The following DHX37 variants were observed in gnomAD, a reference collection of about 807,000 sequenced individuals.
DHX37 encodes probable ATP-dependent RNA helicase DHX37.
Under a neutral mutation model 134.3 loss-of-function variants are expected in DHX37, and 52 were observed. The observed-to-expected ratio is 0.39, with a 90% CI of 0.31 to 0.49. DHX37 has a LOEUF of 0.49. Ranked by LOEUF, DHX37 falls within the 20% of genes least tolerant of loss-of-function variation. The probability of loss-of-function intolerance (pLI) is 0.93; values close to 1 mark genes in which losing one functional copy is unlikely to be tolerated. For missense variants in DHX37, 1,344 were observed against 1,580.8 expected (o/e 0.85, Z 2.54); for synonymous variants, 634 against 670.7 (o/e 0.95, Z 0.85).
At position 124,957,065 on chromosome 12, in the gene DHX37, G is replaced by A. The variant is rs568230997; in HGVS notation, c.2228C>T (p.Ala743Val). 1 of 1,504,512 alleles carries A rather than the reference G, an allele frequency of 6.6e-7. No homozygotes were observed. Among genetic ancestry groups the A allele is most frequent in the African/African-American group, 1.4e-5 (1 of 69,376 alleles). 93.2% of individuals were successfully genotyped at this position (1,504,512 alleles called of 1,614,324 possible). A position where few individuals can be genotyped will look rare whatever the true frequency, so the allele number is the denominator to read the frequency against. ...ALLAAEELLI[A>V]LGALQPPQKA... ...CTGGGGCGGTTGCAGGGCACCCAGT[G>A]CGATCAACAGCTCCTCGGCGGCAAG... Residue 743 changes from alanine to valine, a missense_variant, in exon 17 of 27, where the codon GCA (alanine) becomes GTA (valine). Ala to Val is a moderately conservative substitution (Grantham distance 64). This residue lies in a region of DHX37 where 558 missense variants were observed against 650.0 expected (regional missense o/e 0.86). Transcript: ENST00000308736.
chr12:124,984,846 G>A (rs568004745), intron 2 of DHX37, among the ~76,000 whole-genome samples: 3 of 152,284 alleles, frequency 2.0e-5, no homozygotes, highest in East Asian at 1.9e-4. Context: ...CAGAACTTGC[G>A]AACGTGACCC....
At position 124,988,965 on chromosome 12, in the gene DHX37, G is replaced by C. The variant is rs1176146285; in HGVS notation, c.58C>G (p.Pro20Ala). Residue 20 changes from proline to alanine, a missense_variant, in exon 1 of 27, where the codon CCC becomes GCC. Physicochemically the swap from Pro to Ala is conservative, Grantham distance 27. Coordinates refer to ENST00000308736, the MANE Select transcript of DHX37 (RefSeq NM_032656.4). ...IKGRQQAGPG[P>A]SKGPPEPPPV... ...GGCGGCTCGGGGGGGCCCTTCGAGG[G>C]TCCGGGGCCCGCCTGCTGGCGCCCC... The C allele has an allele frequency of 7.4e-7, 1 of 1,353,658 alleles. No individual in the cohort carries two copies. The highest frequency in any genetic ancestry group is 2.8e-5 in the East Asian group (1 of 35,964). The allele number at this position is 1,353,658 out of a possible 1,614,324, so 83.9% of individuals were successfully genotyped here.
intron 6 of DHX37, among the ~76,000 whole-genome samples, chr12:124,972,885 C>T (rs1402571238): frequency 1.3e-5 from 2 of 152,264 alleles, no homozygotes; most frequent in Non-Finnish European, 2.9e-5. Context: ...CCGGGGAGAC[C>T]TGCACATGGG....
In DHX37 at chr12:124,968,686, A is replaced by G. The variant is rs10773130; in HGVS notation, c.1294-38T>C. Reference sequence around the variant, plus strand: ...CAGGAAGGCATGGGGAGTGGGGGGGACACGAGCTTCGGCCCAGGGCTGCCT... The same window carrying G: ...CAGGAAGGCATGGGGAGTGGGGGGGGCACGAGCTTCGGCCCAGGGCTGCCT... On this transcript the variant is annotated intron_variant, in intron 9 of 26. Coordinates refer to ENST00000308736, the MANE Select transcript of DHX37 (RefSeq NM_032656.4). The G allele has an allele frequency of 0.94, 1,511,620 of 1,613,016 alleles. 709,145 individuals carry two copies. The highest frequency in any genetic ancestry group is 0.99 in the South Asian group (89,753 of 91,080).
At chr12:124,981,609 A>AT (rs1267309997) in intron 3 of DHX37, among the ~76,000 whole-genome samples, 1 of 151,808 alleles carries the variant, frequency 6.6e-6, no homozygotes, top group Non-Finnish European at 1.5e-5. Flanking sequence ...TAATTTTTGT[A>AT]TTTTTAGTGG....
At position 124,947,589 on chromosome 12, in the gene DHX37, C is replaced by T; in HGVS notation, c.*213G>A. 1 of 562,412 alleles carries T rather than the reference C, an allele frequency of 1.8e-6. No individual in the cohort carries two copies. Among genetic ancestry groups the T allele is most frequent in the Non-Finnish European group, 3.1e-6 (1 of 323,106 alleles). 34.8% of individuals were successfully genotyped at this position (562,412 alleles called of 1,614,324 possible). A position where few individuals can be genotyped will look rare whatever the true frequency, so the allele number is the denominator to read the frequency against. ...AAATCATCATCCACCATATAATAAA[C>T]AGTTCAAAAAGTCACCCCCGGGCCA... On this transcript the variant is annotated 3_prime_UTR_variant, in exon 27 of 27. Coordinates refer to ENST00000308736, the MANE Select transcript of DHX37 (RefSeq NM_032656.4).
At chr12:124,973,916 T>C (rs998547215) in intron 6 of DHX37, among the ~76,000 whole-genome samples, 10 of 151,814 alleles carry the variant, frequency 6.6e-5, no homozygotes, top group Non-Finnish European at 1.3e-4. Context: ...GTCCTGGGAT[T>C]ACAGGCGTGA....
chr12:124,975,713 C>A (rs920990606), intron 5 of DHX37, among the ~76,000 whole-genome samples: 5 of 152,174 alleles, frequency 3.3e-5, no homozygotes, highest in African/African-American at 1.2e-4. Context: ...CGACATTCAC[C>A]ATGCAGCGGA....
Position 124,980,809 on chromosome 12 carries a change from T to A in DHX37, c.419A>T (p.Gln140Leu), listed in dbSNP as rs1281017681. ...EKADEVVAPG[Q>L]EKISSLSGAH... Reference sequence around the variant, plus strand: ...ACCGCTGAGGCTACTGATCTTCTCCTGGCCCGGGGCTACCACCTCGTCAGC... The same window carrying A: ...ACCGCTGAGGCTACTGATCTTCTCCAGGCCCGGGGCTACCACCTCGTCAGC... Residue 140 changes from glutamine to leucine, a missense_variant, in exon 4 of 27, where the codon CAG becomes CTG. By Grantham distance (113) the Gln-to-Leu change is moderately radical. This residue lies in a region of DHX37 where 319 missense variants were observed against 296.1 expected (regional missense o/e 1.08). Coordinates refer to ENST00000308736, the MANE Select transcript of DHX37 (RefSeq NM_032656.4). The surrounding 1 kb of genome is among the most constrained non-coding windows in gnomAD (Gnocchi z 5.3). The A allele has an allele frequency of 6.4e-7, 1 of 1,557,048 alleles. No individual in the cohort carries two copies. Among genetic ancestry groups the A allele is most frequent in the Admixed American group, 1.9e-5 (1 of 53,404 alleles).
chr12:124,968,379 G>C (rs764283681), intron 10 of DHX37, among the ~76,000 whole-genome samples, 155 bp downstream of exon 10: 12 of 152,354 alleles, frequency 7.9e-5, no homozygotes, highest in Non-Finnish European at 1.8e-4. Context: ...GGCCAGACAG[G>C]TGTCATGAAC....
At chr12:124,967,726 C>G (rs35419069) in intron 10 of DHX37, among the ~76,000 whole-genome samples, 31,025 of 152,090 alleles carry the variant, frequency 0.2, 3,309 homozygotes, top group Non-Finnish European at 0.24. Context: ...GGCTCCTTGC[C>G]TCCCTAACAT....
Position 124,980,920 on chromosome 12 carries a change from G to C in DHX37, c.390-82C>G, listed in dbSNP as rs1410557743. 5.5e-6 allele frequency: 8 copies of C among 1,457,580 alleles called. No individual in the cohort carries two copies. Among genetic ancestry groups the C allele is most frequent in the South Asian group, 1.3e-5 (1 of 77,986 alleles). 90.3% of individuals were successfully genotyped at this position (1,457,580 alleles called of 1,614,324 possible). ...GGACTCCAAGGCCATACCCCTTTCT[G>C]CCTCAGGGACTTTGCACCTGCTGTT... On this transcript the variant is annotated intron_variant, in intron 3 of 26. Coordinates refer to ENST00000308736, the MANE Select transcript of DHX37 (RefSeq NM_032656.4). The surrounding 1 kb of genome is among the most constrained non-coding windows in gnomAD (Gnocchi z 5.3).
chr12:124,947,515 T>C lies in DHX37; in HGVS notation c.*287A>G, dbSNP rs1953898618. The C allele has an allele frequency of 2.9e-6, 1 of 348,302 alleles. No individual in the cohort carries two copies. Among genetic ancestry groups the C allele is most frequent in the African/African-American group, 2.1e-5 (1 of 48,244 alleles). 21.6% of individuals were successfully genotyped at this position (348,302 alleles called of 1,614,324 possible). A position where few individuals can be genotyped will look rare whatever the true frequency, so the allele number is the denominator to read the frequency against. ...GCCCTGCTGCTCCACAGGGGACTAATGTAGTCCAAAGAGCACACTGAACAG... is the reference window on the plus strand; with the variant it reads ...GCCCTGCTGCTCCACAGGGGACTAACGTAGTCCAAAGAGCACACTGAACAG... On this transcript the variant is annotated 3_prime_UTR_variant, in exon 27 of 27. Transcript: ENST00000308736.
intron 20 of DHX37, 160 bp from the exon 21 acceptor site, chr12:124,952,730 G>T (rs1217439535): frequency 1.2e-5 from 8 of 644,236 alleles, no homozygotes. Context: ...AAAGCCCCCA[G>T]CAGGCAGGAT....
intron 6 of DHX37, 118 bp downstream of exon 6, chr12:124,975,301 G>A (rs1040764429): frequency 4.9e-6 from 5 of 1,011,528 alleles, no homozygotes; most frequent in African/African-American, 4.8e-5. Context: ...ACATGCAGAG[G>A]TGACACTCCA....
At position 124,952,508 on chromosome 12, in the gene DHX37, T is replaced by G. The variant is rs772975395; in HGVS notation, c.2758A>C (p.Ser920Arg). Reference protein sequence around the residue: ...VDPKMQPPTESQVTYLRQIVT... With the variant: ...VDPKMQPPTERQVTYLRQIVT... ...ATCTGTCGCAGGTAGGTCACCTGGCTCTCGGTGGGCGGCTGCATCTTGGGA... is the reference window on the plus strand; with the variant it reads ...ATCTGTCGCAGGTAGGTCACCTGGCGCTCGGTGGGCGGCTGCATCTTGGGA... The change falls in exon 21 of 27, where the codon AGC becomes CGC. Residue 920 changes from serine to arginine, a missense_variant. Transcript: ENST00000308736. 2 of 1,604,968 alleles carry G rather than the reference T, an allele frequency of 1.2e-6. No homozygotes were observed. Among genetic ancestry groups the G allele is most frequent in the South Asian group, 2.2e-5 (2 of 90,740 alleles).
intron 16 of DHX37, among the ~76,000 whole-genome samples, chr12:124,957,695 G>A (rs1230872438): frequency 6.6e-6 from 1 of 152,218 alleles, no homozygotes; most frequent in Non-Finnish European, 1.5e-5. Context: ...GCTGAGACAG[G>A]AGAATCATTT....
Position 124,952,482 on chromosome 12 carries a change from G to C in DHX37, c.2784C>G (p.Ile928Met), listed in dbSNP as rs538005722. 7 of 1,611,448 alleles carry C rather than the reference G, an allele frequency of 4.3e-6. No individual in the cohort carries two copies. In the African/African-American group the frequency reaches 8.0e-5, roughly 18 times the overall value. The change falls in exon 21 of 27, where the codon ATC (isoleucine) becomes ATG (methionine). Residue 928 changes from isoleucine to methionine, a missense_variant. Physicochemically the swap from Ile to Met is conservative, Grantham distance 10 (BLOSUM62 1). Transcript: ENST00000308736. ...TESQVTYLRQ[I>M]VTAGLGDHLA... Reference sequence around the variant, plus strand: ...AGTGGTCCCCCAGGCCTGCCGTCACGATCTGTCGCAGGTAGGTCACCTGGC... The same window carrying C: ...AGTGGTCCCCCAGGCCTGCCGTCACCATCTGTCGCAGGTAGGTCACCTGGC...
In DHX37 at chr12:124,953,976, A is replaced by G; in HGVS notation, c.2599T>C (p.Tyr867His). Residue 867 changes from tyrosine to histidine, a missense_variant, in exon 20 of 27, where the codon TAT becomes CAT. Transcript: ENST00000308736. ...CAAAACTGGGGTGTGCAGCTGGCAT[A>G]CTCACAGGCTCCCACGGCGCCTGGG... ...VLLGAVGACE[Y>H]ASCTPQFCEA... The G allele has an allele frequency of 6.2e-7, 1 of 1,613,564 alleles. No individual in the cohort carries two copies.
Sources: gnomAD v4.1 joint callset for allele counts (sites outside exome capture counted in the v4.1 genomes callset) on GRCh38, gnomAD v4.1.1 for gene constraint, gnomAD v4.1.1 regional missense constraint, Gnocchi (gnomAD v3.1) non-coding constraint, MANE v1.5 for transcripts, NCBI Gene and HGNC (gene_info 2026-07-23, HGNC 2026-07-21) for gene names.